Variants in NGFR observed in about 807,000 individuals in gnomAD.
The protein encoded by NGFR is nerve growth factor receptor.
Under a neutral mutation model 43.2 loss-of-function variants are expected in NGFR, and 30 were observed. The ratio of observed to expected loss-of-function variants is 0.69; its 90% CI spans 0.52 to 0.94. NGFR has a LOEUF of 0.94. NGFR is among the 40% of genes least tolerant of loss of function. NGFR has a pLI of 0.00. For synonymous variants in NGFR, 246 were observed against 259.6 expected (o/e 0.95, Z 0.50); for missense variants, 529 against 602.5 (o/e 0.88, Z 1.28).
intron 3 of NGFR, among the ~76,000 whole-genome samples, chr17:49,506,932 G>C (rs1387456864): frequency 6.6e-6 from 1 of 152,136 alleles, no homozygotes; most frequent in Non-Finnish European, 1.5e-5. Flanking sequence ...CCCAGGCCGC[G>C]GGTACTACAT....
chr17:49,497,691 T>A (rs965208058), intron 1 of NGFR: 1 of 152,172 alleles, frequency 6.6e-6, no homozygotes, highest in African/African-American at 2.4e-5. Flanking sequence ...TCCCGGCGGG[T>A]CGGCTGGCGG....
rs1249295793 is a variant in NGFR at position 49,506,481 on chromosome 17, G to A, written c.391G>A (p.Gly131Ser). The change falls in exon 3 of 6, where the codon GGC becomes AGC. Residue 131 changes from glycine (G) to serine (S), a missense_variant. By Grantham distance (56) the Gly-to-Ser change is moderately conservative. Transcript: ENST00000172229. ...CGAGGCGTGCCGCGTGTGCGAGGCG[G>A]GCTCGGGCCTCGTGTTCTCCTGCCA... ...RCEACRVCEA[G>S]SGLVFSCQDK... 6.2e-7 allele frequency: 1 copy of A among 1,610,612 alleles called. No homozygotes were observed. The highest frequency in any genetic ancestry group is 8.5e-7 in the Non-Finnish European group (1 of 1,179,332).
Position 49,512,141 on chromosome 17 carries a change from G to A in NGFR, c.982+89G>A. 6 of 1,471,464 alleles carry A rather than the reference G, an allele frequency of 4.1e-6. No individual in the cohort carries two copies. The highest frequency in any genetic ancestry group is 1.3e-5 in the South Asian group (1 of 74,668). 91.2% of individuals were successfully genotyped at this position (1,471,464 alleles called of 1,614,324 possible). A position where few individuals can be genotyped will look rare whatever the true frequency, so the allele number is the denominator to read the frequency against. On this transcript the variant is annotated intron_variant, in intron 5 of 5. Coordinates refer to ENST00000172229, the MANE Select transcript of NGFR (RefSeq NM_002507.4). This position sits in a 1 kb window ranked among gnomAD's most constrained non-coding sequence, Gnocchi z 5.2. ...ATTAGACTCCAGGAAGGACTGTCGG[G>A]GGGGCGGCAGGGCTGGCTCAGCGGT...
chr17:49,499,795 G>C (rs191454473), intron 1 of NGFR, among the ~76,000 whole-genome samples: 44 of 152,180 alleles, frequency 2.9e-4, no homozygotes, highest in Admixed American at 5.2e-4. Flanking sequence ...CACCATGTTA[G>C]GCAGGATGGT....
At chr17:49,501,293 G>A (rs1034704764) in intron 1 of NGFR, among the ~76,000 whole-genome samples, 3 of 152,200 alleles carry the variant, frequency 2.0e-5, no homozygotes, top group Non-Finnish European at 2.9e-5. Context: ...GCTGGGTGGT[G>A]AGAGCAGCCA....
In NGFR at chr17:49,506,563, C is replaced by A; in HGVS notation, c.473C>A (p.Ala158Asp). The change falls in exon 3 of 6, where the codon GCC becomes GAC. Residue 158 changes from alanine to aspartate, a missense_variant. Physicochemically the swap from Ala to Asp is moderately radical, Grantham distance 126. Coordinates refer to ENST00000172229, the MANE Select transcript of NGFR (RefSeq NM_002507.4). The stretch of plus-strand genomic sequence containing the variant: ...CCCGACGGCACGTATTCCGACGAGG[C>A]CAACCACGTGGACCCGTGCCTGCCC... ...ECPDGTYSDE[A>D]NHVDPCLPCT... 6.2e-7 allele frequency: 1 copy of A among 1,611,380 alleles called. No homozygotes were observed. Among genetic ancestry groups the A allele is most frequent in the Non-Finnish European group, 8.5e-7 (1 of 1,179,508 alleles).
In NGFR at chr17:49,510,637, G is replaced by C; in HGVS notation, c.794G>C (p.Gly265Ala). 6.2e-7 allele frequency: 1 copy of C among 1,613,912 alleles called. No individual in the cohort carries two copies. The highest frequency in any genetic ancestry group is 8.5e-7 in the Non-Finnish European group (1 of 1,179,944). Reference sequence around the variant, plus strand: ...TCCATCCTGGCTGCTGTGGTTGTGGGCCTTGTGGCCTACATAGCCTTCAAG... The same window carrying C: ...TCCATCCTGGCTGCTGTGGTTGTGGCCCTTGTGGCCTACATAGCCTTCAAG... ...YCSILAAVVV[G>A]LVAYIAFKRW... The change falls in exon 4 of 6, where the codon GGC becomes GCC. Residue 265 changes from glycine to alanine, a missense_variant. Coordinates refer to ENST00000172229, the MANE Select transcript of NGFR (RefSeq NM_002507.4).
intron 1 of NGFR, among the ~76,000 whole-genome samples, chr17:49,498,915 C>T (rs947731198): frequency 6.6e-6 from 1 of 152,156 alleles, no homozygotes; most frequent in African/African-American, 2.4e-5. Context: ...AGATGAGATG[C>T]TTCTTTGATA....
intron 1 of NGFR, among the ~76,000 whole-genome samples, chr17:49,498,327 G>A (rs1167025644): frequency 6.6e-6 from 1 of 152,158 alleles, no homozygotes; most frequent in African/African-American, 2.4e-5. Context: ...CCCCTCTCAA[G>A]TCTCTATGCT....
rs778547434 is a variant in NGFR at position 49,512,922 on chromosome 17, C to G, written c.1197C>G (p.Asp399Glu). 1.2e-6 allele frequency: 2 copies of G among 1,612,230 alleles called. No individual in the cohort carries two copies. The highest frequency in any genetic ancestry group is 2.2e-5 in the South Asian group (2 of 91,002). Residue 399 changes from aspartate to glutamate, a missense_variant, in exon 6 of 6, where the codon GAC becomes GAG. Coordinates refer to ENST00000172229, the MANE Select transcript of NGFR (RefSeq NM_002507.4). The surrounding 1 kb of genome is among the most constrained non-coding windows in gnomAD (Gnocchi z 5.2). ...SWATQDSATL[D>E]ALLAALRRIQ... ...CCACCCAGGACAGCGCCACACTGGA[C>G]GCCCTCCTGGCCGCCCTGCGCCGCA...
At chr17:49,501,999 A>AGGGGCCCCCCCCCCCCCCCCCCC in intron 1 of NGFR, 64 bp from the exon 2 acceptor site, 2 of 330,982 alleles carry the variant, frequency 6.0e-6, no homozygotes, top group Non-Finnish European at 1.2e-5. Flanking sequence ...TCCCCGGAAG[A>AGGGGCCCCCCCCCCCCCCCCCCC]ACCCCCCCCA....
chr17:49,502,229 G>T (rs1314096414), intron 2 of NGFR, 25 bp downstream of exon 2: 2 of 1,576,730 alleles, frequency 1.3e-6, no homozygotes, highest in Non-Finnish European at 1.7e-6. Context: ...GCGGGCAGGA[G>T]GAGGGGAGAA....
In NGFR at chr17:49,495,492, T is replaced by G; in HGVS notation, c.66+9T>G. On this transcript the variant is annotated intron_variant, in intron 1 of 5. Transcript: ENST00000172229. The surrounding 1 kb of genome is among the most constrained non-coding windows in gnomAD (Gnocchi z 6.4). ...TGTTGCTGCTTCTGGGGGTGAGTGT[T>G]AGCCGGAGGGGGCCCGCTCCCTTTC... 8.1e-7 allele frequency: 1 copy of G among 1,235,766 alleles called. No individual in the cohort carries two copies. The highest frequency in any genetic ancestry group is 1.0e-6 in the Non-Finnish European group (1 of 988,218). The allele number at this position is 1,235,766 out of a possible 1,614,324, so 76.6% of individuals were successfully genotyped here.
chr17:49,501,825 G>A (rs2071168258), intron 1 of NGFR, among the ~76,000 whole-genome samples: 1 of 152,154 alleles, frequency 6.6e-6, no homozygotes, highest in Non-Finnish European at 1.5e-5. Context: ...TTTGCAGAAG[G>A]TCAGCAGCTG....
At chr17:49,501,999 A>AAGGCCCCCCCCCCC in intron 1 of NGFR, 64 bp from the exon 2 acceptor site, 1 of 330,984 alleles carries the variant, frequency 3.0e-6, no homozygotes. Context: ...TCCCCGGAAG[A>AAGGCCCCCCCCCCC]ACCCCCCCCA....
At chr17:49,505,204 C>T (rs1172051245) in intron 2 of NGFR, among the ~76,000 whole-genome samples, 3 of 149,686 alleles carry the variant, frequency 2.0e-5, no homozygotes, top group Non-Finnish European at 4.4e-5. Context: ...AATGTTGAGA[C>T]CCCCCTACAG....
chr17:49,507,200 G>A (rs1173433892), intron 3 of NGFR, among the ~76,000 whole-genome samples: 3 of 152,168 alleles, frequency 2.0e-5, no homozygotes, highest in Non-Finnish European at 4.4e-5. Context: ...CTTGACTGAC[G>A]TTAGGGAGTC....
Position 49,512,167 on chromosome 17 carries a change from G to C in NGFR, c.982+115G>C. 1.5e-6 allele frequency: 2 copies of C among 1,321,448 alleles called. No homozygotes were observed. The highest frequency in any genetic ancestry group is 2.0e-6 in the Non-Finnish European group (2 of 977,658). The allele number at this position is 1,321,448 out of a possible 1,614,324, so 81.9% of individuals were successfully genotyped here. On this transcript the variant is annotated intron_variant, in intron 5 of 5. Coordinates refer to ENST00000172229, the MANE Select transcript of NGFR (RefSeq NM_002507.4). The surrounding 1 kb of genome is among the most constrained non-coding windows in gnomAD (Gnocchi z 5.2). ...GGGGCGGCAGGGCTGGCTCAGCGGT[G>C]CCCCTGTAGATGGATGGAGAGGCTG... is the stretch of plus-strand genomic sequence containing the variant.
In NGFR at chr17:49,511,937, A is replaced by C. The variant is rs2071235514; in HGVS notation, c.867A>C (p.Pro289=). The C allele has an allele frequency of 6.2e-7, 1 of 1,613,046 alleles. No individual in the cohort carries two copies. Among genetic ancestry groups the C allele is most frequent in the Non-Finnish European group, 8.5e-7 (1 of 1,179,580 alleles). Residue 289 remains proline (P), a synonymous_variant, in exon 5 of 6, where the codon CCA becomes CCC. Coordinates refer to ENST00000172229, the MANE Select transcript of NGFR (RefSeq NM_002507.4). ...ACAAGCAAGGAGCCAACAGCCGGCC[A>C]GTGAACCAGACGCCCCCACCAGAGG... ...KQNKQGANSR[P]VNQTPPPEGE...
Sources: allele counts gnomAD v4.1 joint callset (sites outside exome capture counted in the v4.1 genomes callset), GRCh38; gene constraint gnomAD v4.1.1; non-coding constraint Gnocchi (gnomAD v3.1); transcripts MANE v1.5; gene names NCBI Gene and HGNC (gene_info 2026-07-23, HGNC 2026-07-21).